Variants in ANKMY1 observed in about 807,000 individuals in gnomAD.
ANKMY1 encodes ankyrin repeat and MYND domain containing 1.
ANKMY1 carries 98 observed loss-of-function variants against 102.0 expected under a neutral mutation model. That is an observed-to-expected ratio of 0.96 (90% CI 0.82 to 1.14). The LOEUF (loss-of-function observed/expected upper bound fraction) is 1.14. ANKMY1 is among the 50% of genes most tolerant of loss of function. The pLI is 0.00. For synonymous variants in ANKMY1, 582 were observed against 559.9 expected (o/e 1.04, Z -0.56); for missense variants, 1,330 against 1,347.6 (o/e 0.99, Z 0.20).
upstream of ANKMY1, chr2:240,560,746 G>A (rs761928968): frequency 4.6e-6 from 7 of 1,510,712 alleles, no homozygotes; most frequent in East Asian, 1.9e-4. Context: ...CCGTTGGTGC[G>A]CGTCGCGCCC....
upstream of ANKMY1, chr2:240,560,816 A>G (rs966879537): frequency 7.0e-7 from 1 of 1,435,916 alleles, no homozygotes; most frequent in African/African-American, 1.5e-5. Context: ...CGCGCGCGGG[A>G]GTCACGCTGT....
chr2:240,490,420 T>G (rs1016184185), intron 15 of ANKMY1, among the ~76,000 whole-genome samples: 1 of 152,178 alleles, frequency 6.6e-6, no homozygotes, highest in Non-Finnish European at 1.5e-5. Flanking sequence ...AAAATTCCCC[T>G]TAGCCCTGTT....
chr2:240,480,848 T>C (rs554628233), intron 17 of ANKMY1, 89 bp downstream of exon 17: 1 of 1,463,712 alleles, frequency 6.8e-7, no homozygotes, highest in East Asian at 2.3e-5. Flanking sequence ...TTTTGGGAAA[T>C]GAGGGTGCCC....
At chr2:240,490,568 A>G (rs2076529998) in intron 15 of ANKMY1, among the ~76,000 whole-genome samples, 1 of 152,168 alleles carries the variant, frequency 6.6e-6, no homozygotes, top group African/African-American at 2.4e-5. Flanking sequence ...GCAAATTTGT[A>G]TATACATAGT....
At chr2:240,560,665 C>T (rs1339618810), upstream of ANKMY1, 2 of 1,499,490 alleles carry the variant, frequency 1.3e-6, no homozygotes, top group African/African-American at 1.5e-5. Flanking sequence ...GGCCCAAAAG[C>T]AGACTCTTCG....
chr2:240,531,305 C>T (rs907925147), intron 4 of ANKMY1, among the ~76,000 whole-genome samples: 11 of 152,218 alleles, frequency 7.2e-5, no homozygotes, highest in Non-Finnish European at 1.6e-4. Flanking sequence ...CAAAACGGCA[C>T]AGTCGCTTTG....
chr2:240,542,720 CTATATA>C (rs71404655), intron 4 of ANKMY1, among the ~76,000 whole-genome samples: 29 of 144,868 alleles, frequency 2.0e-4, no homozygotes, highest in African/African-American at 6.6e-4. Flanking sequence ...ATGTTTATAT[CTATATA>C]TATATATATA....
chr2:240,469,938 A>G, the ANKMY1 span, among the ~76,000 whole-genome samples: 1 of 152,032 alleles, frequency 6.6e-6, no homozygotes, highest in African/African-American at 2.4e-5. Flanking sequence ...ACACATGCCC[A>G]TACACATGCA....
intron 4 of ANKMY1, among the ~76,000 whole-genome samples, chr2:240,536,639 G>A (rs1334651971): frequency 6.6e-6 from 1 of 152,188 alleles, no homozygotes; most frequent in Non-Finnish European, 1.5e-5. Flanking sequence ...CAATTGAGCA[G>A]TAACATAAGA....
At chr2:240,531,735 T>C (rs376943315) in intron 4 of ANKMY1, among the ~76,000 whole-genome samples, 2 of 151,892 alleles carry the variant, frequency 1.3e-5, no homozygotes, top group South Asian at 2.1e-4. Context: ...AGGGTGGAGG[T>C]AGGGGTTTAC....
intron 4 of ANKMY1, among the ~76,000 whole-genome samples, chr2:240,544,155 A>G (rs1040241349): frequency 1.6e-4 from 25 of 152,342 alleles, no homozygotes; most frequent in African/African-American, 6.0e-4. Flanking sequence ...AAAGTTATGA[A>G]TATGAAGATA....
At chr2:240,500,234 C>T (rs770619897) in intron 14 of ANKMY1, 111 bp from the exon 15 acceptor site, 95 of 1,340,746 alleles carry the variant, frequency 7.1e-5, no homozygotes, top group Non-Finnish European at 8.5e-5. Context: ...TAACTGAGGA[C>T]GAACCCAGAC....
chr2:240,556,018 T>C (rs2092308582), intron 2 of ANKMY1, among the ~76,000 whole-genome samples: 1 of 151,918 alleles, frequency 6.6e-6, no homozygotes, highest in Non-Finnish European at 1.5e-5. Context: ...CTAGGGAGGG[T>C]CCTCTTCCTG....
intron 9 of ANKMY1, 138 bp from the exon 10 acceptor site, chr2:240,513,080 G>A (rs189810532): frequency 6.0e-5 from 74 of 1,239,072 alleles, no homozygotes; most frequent in African/African-American, 3.5e-4. Flanking sequence ...GCCTCACAAC[G>A]TGCAGGCTAC....
intron 4 of ANKMY1, among the ~76,000 whole-genome samples, chr2:240,538,435 C>T (rs566804505): frequency 4.6e-5 from 7 of 152,150 alleles, no homozygotes; most frequent in South Asian, 2.1e-4. Flanking sequence ...CCAGAAGCTG[C>T]GGAGGGTGCG....
the ANKMY1 span, among the ~76,000 whole-genome samples, chr2:240,468,970 A>G: frequency 1.3e-5 from 2 of 152,206 alleles, no homozygotes; most frequent in Admixed American, 1.3e-4. Context: ...CGCAAGTCCC[A>G]GAGGCCCGGC....
chr2:240,471,379 C>T, the ANKMY1 span, among the ~76,000 whole-genome samples: 1 of 151,640 alleles, frequency 6.6e-6, no homozygotes, highest in African/African-American at 2.4e-5. Context: ...CTGCCTCAGC[C>T]TCCCAAGTAG....
At position 240,524,368 on chromosome 2, in the gene ANKMY1, A is replaced by G; in HGVS notation, c.1349T>C (p.Phe450Ser). 6.3e-7 allele frequency: 1 copy of G among 1,592,320 alleles called. No individual in the cohort carries two copies. Among genetic ancestry groups the G allele is most frequent in the Non-Finnish European group, 8.6e-7 (1 of 1,167,446 alleles). ...TGATGAAAGGATTGGAACAACTGGG[A>G]ATTTTGGAGGTTCCTTTGGAAAGAA... ...TIPEPQEPPK[F>S]PVVPILSSSF... Residue 450 changes from phenylalanine (F) to serine (S), a missense_variant, in exon 8 of 18, where the codon TTC (phenylalanine) becomes TCC (serine). Transcript: ENST00000401804.
chr2:240,503,173 C>T lies in ANKMY1; in HGVS notation c.2527-2608G>A, dbSNP rs116547693. On this transcript the variant is annotated intron_variant, in intron 13 of 17. Coordinates refer to ENST00000401804, the MANE Select transcript of ANKMY1 (RefSeq NM_001282771.3). ...GGCGGCCTGAGGCTGACCAGCCCAG[C>T]GTGTGTCTCTGAGGAGTTTCTCAGG... Among the ~76,000 whole-genome samples, 1,344 of 152,322 alleles carry T rather than the reference C, an allele frequency of 8.8e-3. 16 individuals are homozygous for T. Among genetic ancestry groups the T allele is most frequent in the African/African-American group, 0.03 (1,241 of 41,554 alleles).
Sources: allele counts gnomAD v4.1 joint callset (sites outside exome capture counted in the v4.1 genomes callset), GRCh38; gene constraint gnomAD v4.1.1; transcripts MANE v1.5; gene names NCBI Gene and HGNC (gene_info 2026-07-23, HGNC 2026-07-21).